The following CNTN5 variants were observed in gnomAD, a reference collection of about 807,000 sequenced individuals.
The protein encoded by CNTN5 is contactin-5.
A neutral mutation model predicts 129.1 loss-of-function variants in CNTN5; 77 were observed. That is an observed-to-expected ratio of 0.60 (90% confidence interval 0.50 to 0.72). The LOEUF is 0.72. CNTN5 is among the 30% of genes least tolerant of loss of function. CNTN5 has a pLI of 0.00. For synonymous variants in CNTN5, 509 were observed against 465.6 expected, an observed-to-expected ratio of 1.09 and a Z score of -1.20; for missense variants, 1,478 against 1,328.8, an observed-to-expected ratio of 1.11 and a Z score of -1.75.
intron 8 of CNTN5, among the ~76,000 whole-genome samples, chr11:99,957,884 T>C (rs916147088): frequency 2.6e-5 from 4 of 151,898 alleles, no homozygotes; most frequent in African/African-American, 9.7e-5. Context: ...TGTATATATG[T>C]TTATATGTAT....
chr11:100,052,925 C>G (rs1198301047), intron 9 of CNTN5, among the ~76,000 whole-genome samples: 7 of 151,460 alleles, frequency 4.6e-5, no homozygotes, highest in Non-Finnish European at 8.9e-5. Flanking sequence ...TAAAGTCCAT[C>G]AAAAAAATGC....
chr11:99,619,387 T>C (rs1388737997), intron 3 of CNTN5, among the ~76,000 whole-genome samples: 4 of 152,104 alleles, frequency 2.6e-5, no homozygotes, highest in African/African-American at 4.8e-5. Context: ...GTCTGGTTTT[T>C]CGTTATGTTT....
chr11:99,546,251 A>C (rs954792696), intron 2 of CNTN5, among the ~76,000 whole-genome samples: 2 of 152,208 alleles, frequency 1.3e-5, no homozygotes, highest in Non-Finnish European at 2.9e-5. Flanking sequence ...TATGTCCTGC[A>C]AGGTGGCCAT....
At chr11:99,346,462 T>A (rs1937880828) in intron 2 of CNTN5, among the ~76,000 whole-genome samples, 1 of 152,178 alleles carries the variant, frequency 6.6e-6, no homozygotes, top group African/African-American at 2.4e-5. Context: ...GGGATTATGA[T>A]TACTTCGCCA....
At chr11:100,235,830 TACTGCCCACTC>T (rs1425989016) in intron 16 of CNTN5, among the ~76,000 whole-genome samples, 2 of 152,134 alleles carry the variant, frequency 1.3e-5, no homozygotes, top group African/African-American at 2.4e-5. Flanking sequence ...ACCAATTACT[TACTGCCCACTC>T]ACTTCACTTT....
intron 3 of CNTN5, among the ~76,000 whole-genome samples, chr11:99,722,592 A>G (rs1373774718): frequency 6.6e-6 from 1 of 152,122 alleles, no homozygotes; most frequent in Non-Finnish European, 1.5e-5. Context: ...AAGTTTTCCT[A>G]TATAACCTTC....
intron 3 of CNTN5, among the ~76,000 whole-genome samples, chr11:99,611,717 A>T (rs111618533): frequency 1.3e-5 from 2 of 152,352 alleles, no homozygotes; most frequent in African/African-American, 4.8e-5. Context: ...AATCTTCACT[A>T]CAAAGGTATA....
intron 1 of CNTN5, among the ~76,000 whole-genome samples, chr11:99,143,979 T>C (rs888294080): frequency 1.3e-5 from 2 of 152,192 alleles, no homozygotes; most frequent in Non-Finnish European, 2.9e-5. Context: ...AGTGACCACA[T>C]ATTTTCTTAT....
At chr11:100,279,549 T>C (rs762006571) in intron 18 of CNTN5, among the ~76,000 whole-genome samples, 10 of 151,966 alleles carry the variant, frequency 6.6e-5, no homozygotes, top group Non-Finnish European at 1.5e-4. Flanking sequence ...ATAGGTTGTA[T>C]GTGTCTAGAA....
intron 15 of CNTN5, among the ~76,000 whole-genome samples, chr11:100,201,398 A>G (rs1948774459): frequency 6.6e-6 from 1 of 151,996 alleles, no homozygotes; most frequent in Admixed American, 6.6e-5. Context: ...TGAGTGAATA[A>G]CCAAATAAAT....
chr11:99,842,674 C>T (rs2135683494), intron 4 of CNTN5, among the ~76,000 whole-genome samples: 1 of 151,864 alleles, frequency 6.6e-6, no homozygotes, highest in African/African-American at 2.4e-5. Context: ...TTTTTTTTCC[C>T]ACAGCGTAAT....
chr11:100,337,936 G>A (rs1952068851), intron 21 of CNTN5, among the ~76,000 whole-genome samples: 1 of 152,118 alleles, frequency 6.6e-6, no homozygotes, highest in Non-Finnish European at 1.5e-5. Flanking sequence ...TCCACAACAG[G>A]GAGAACCAAA....
intron 8 of CNTN5, among the ~76,000 whole-genome samples, chr11:99,973,250 G>GTGGC (rs1274069316): frequency 6.6e-6 from 1 of 152,140 alleles, no homozygotes; most frequent in African/African-American, 2.4e-5. Context: ...ATTAGTAACT[G>GTGGC]TGGCTCTCTG....
chr11:99,980,608 A>T (rs75105985), intron 8 of CNTN5, among the ~76,000 whole-genome samples: 4,364 of 152,250 alleles, frequency 0.029, 188 homozygotes, highest in East Asian at 0.19. Flanking sequence ...AAGAAGAAAA[A>T]GTACGTATTT....
chr11:99,259,179 C>A (rs1862516858), intron 1 of CNTN5, among the ~76,000 whole-genome samples: 1 of 151,784 alleles, frequency 6.6e-6, no homozygotes, highest in African/African-American at 2.4e-5. Flanking sequence ...TTGCTATGCA[C>A]AAATTATGTA....
chr11:100,214,716 A>G (rs181629829), intron 15 of CNTN5, among the ~76,000 whole-genome samples: 1 of 152,110 alleles, frequency 6.6e-6, no homozygotes, highest in African/African-American at 2.4e-5. Flanking sequence ...CCCGAAGCCA[A>G]CGTCAAGTGT....
intron 6 of CNTN5, among the ~76,000 whole-genome samples, chr11:99,869,514 A>G (rs1042043773): frequency 2.0e-5 from 3 of 152,138 alleles, no homozygotes; most frequent in Non-Finnish European, 2.9e-5. Context: ...CATGCAAATG[A>G]CCTCTTCAAC....
At chr11:99,852,015 C>T (rs1947889010) in intron 6 of CNTN5, among the ~76,000 whole-genome samples, 1 of 152,052 alleles carries the variant, frequency 6.6e-6, no homozygotes, top group African/African-American at 2.4e-5. Flanking sequence ...TGAGGCTTAG[C>T]CTATAATAAC....
intron 13 of CNTN5, among the ~76,000 whole-genome samples, chr11:100,157,281 TAGAAATA>T (rs1354131907): frequency 1.3e-5 from 2 of 151,956 alleles, no homozygotes; most frequent in African/African-American, 4.8e-5. Context: ...GATTACGTTT[TAGAAATA>T]AGATTCACAT....
Sources: allele counts gnomAD v4.1 joint callset (sites outside exome capture counted in the v4.1 genomes callset), GRCh38; gene constraint gnomAD v4.1.1; transcripts MANE v1.5; gene names NCBI Gene and HGNC (gene_info 2026-07-23, HGNC 2026-07-21).